Variants in DNMT3B observed in about 807,000 individuals in gnomAD.
The protein encoded by DNMT3B is DNA (cytosine-5)-methyltransferase 3B.
In DNMT3B, 37 loss-of-function variants were observed where a neutral mutation model predicts 120.2. The observed-to-expected ratio is 0.31, with a 90% CI of 0.24 to 0.40. The LOEUF is 0.40. Among genes scored for constraint, DNMT3B ranks in the 10% least tolerant of loss-of-function variants. The pLI is 1.00. For synonymous variants in DNMT3B, 412 were observed against 442.8 expected, an observed-to-expected ratio of 0.93 and a Z score of 0.87; for missense variants, 878 against 1,137.3, an observed-to-expected ratio of 0.77 and a Z score of 3.28.
rs773620147 is a variant in DNMT3B at position 32,793,520 on chromosome 20, G to T, written c.1067-16G>T. On this transcript the variant is annotated splice_polypyrimidine_tract_variant and intron_variant, in intron 9 of 22. Coordinates refer to ENST00000328111, the MANE Select transcript of DNMT3B (RefSeq NM_006892.4). ...TGTAATGTTTTTTCTGTTTTGTTTT[G>T]TTTTCCCCTCAAAAGTGGTTAATAA... The T allele has an allele frequency of 6.2e-7, 1 of 1,613,780 alleles. No homozygotes were observed. The highest frequency in any genetic ancestry group is 8.5e-7 in the Non-Finnish European group (1 of 1,179,872).
rs781234719 is a variant in DNMT3B, at chr20:32,787,318, CAG to C, written c.524_525del (p.Glu175GlyfsTer113). On this transcript the variant is annotated frameshift_variant, in exon 6 of 23. Coordinates refer to ENST00000328111, the MANE Select transcript of DNMT3B (RefSeq NM_006892.4). LOFTEE classifies it high-confidence loss of function. ...CTTACCATCGACCTCACAGACGACA[CAG>C]AGGACACACATGGGACGCCCCAGAG... is the stretch of plus-strand genomic sequence containing the variant. 1 of 1,614,228 alleles carries C rather than the reference CAG, an allele frequency of 6.2e-7. No homozygotes were observed. Among genetic ancestry groups the C allele is most frequent in the Non-Finnish European group, 8.5e-7 (1 of 1,180,042 alleles).
chr20:32,804,212 G>T (rs1038937272), intron 20 of DNMT3B, among the ~76,000 whole-genome samples: 10 of 152,192 alleles, frequency 6.6e-5, no homozygotes, highest in African/African-American at 2.2e-4. Context: ...AAGCTCTGCA[G>T]GCTTATAGGA....
At chr20:32,789,681 C>T (rs756960696) in intron 7 of DNMT3B, among the ~76,000 whole-genome samples, 12 of 152,230 alleles carry the variant, frequency 7.9e-5, no homozygotes, top group Non-Finnish European at 1.0e-4. Flanking sequence ...GCAACCTCCG[C>T]CTCCCAGGTT....
chr20:32,796,192 C>T (rs1980597088), intron 12 of DNMT3B, among the ~76,000 whole-genome samples: 1 of 152,090 alleles, frequency 6.6e-6, no homozygotes. Flanking sequence ...ACACCACATC[C>T]CTGACCCAGA....
chr20:32,794,879 T>G (rs1393681365), intron 10 of DNMT3B, among the ~76,000 whole-genome samples: 1 of 152,242 alleles, frequency 6.6e-6, no homozygotes, highest in Non-Finnish European at 1.5e-5. Context: ...TATATACAGA[T>G]TCTTGACTAA....
At chr20:32,789,927 G>GTAAC (rs1979761958) in intron 7 of DNMT3B, among the ~76,000 whole-genome samples, 1 of 152,204 alleles carries the variant, frequency 6.6e-6, no homozygotes, top group Non-Finnish European at 1.5e-5. Flanking sequence ...CCTATCCTGT[G>GTAAC]ATGGTCTCTT....
chr20:32,806,005 T>A (rs1281201927), intron 21 of DNMT3B, among the ~76,000 whole-genome samples: 1 of 152,174 alleles, frequency 6.6e-6, no homozygotes, highest in African/African-American at 2.4e-5. Context: ...TCTCTCCAAC[T>A]CTGCTTTTCG....
At chr20:32,787,098 C>T in intron 5 of DNMT3B, 132 bp from the exon 6 acceptor site, 1 of 1,097,802 alleles carries the variant, frequency 9.1e-7, no homozygotes. Context: ...AAAGTTTCTT[C>T]AGCGGTCTCT....
intron 3 of DNMT3B, 138 bp from the exon 4 acceptor site, chr20:32,784,620 T>C (rs2145930531): frequency 2.3e-6 from 2 of 877,678 alleles, no homozygotes; most frequent in East Asian, 2.6e-5. Context: ...TCTGCACCCA[T>C]ATGCAGTGTG....
chr20:32,766,312 C>G (rs184556477), intron 1 of DNMT3B, among the ~76,000 whole-genome samples: 1 of 151,958 alleles, frequency 6.6e-6, no homozygotes, highest in South Asian at 2.1e-4. Flanking sequence ...CACTGTTCTC[C>G]AGCCTGGGCG....
At chr20:32,777,364 C>A (rs1988117228) in intron 1 of DNMT3B, among the ~76,000 whole-genome samples, 2 of 152,156 alleles carry the variant, frequency 1.3e-5, no homozygotes, top group Admixed American at 6.5e-5. Context: ...TAATCATTGT[C>A]AGCCTGGGTC....
chr20:32,807,574 G>T (rs1369478797), intron 22 of DNMT3B, among the ~76,000 whole-genome samples, 188 bp from the exon 23 acceptor site: 1 of 152,136 alleles, frequency 6.6e-6, no homozygotes. Context: ...ACAAAACGGG[G>T]GACTTTCATT....
intron 1 of DNMT3B, among the ~76,000 whole-genome samples, chr20:32,775,014 G>T (rs761676318): frequency 4.0e-5 from 6 of 151,736 alleles, no homozygotes; most frequent in African/African-American, 1.5e-4. Context: ...GAGCCACCGC[G>T]CCTGGCCTAA....
chr20:32,808,833 G>A lies in DNMT3B; in HGVS notation c.*930G>A, dbSNP rs764293630. On this transcript the variant is annotated 3_prime_UTR_variant, in exon 23 of 23. Transcript: ENST00000328111. The stretch of plus-strand genomic sequence containing the variant: ...AGGAGACCTACCCTCCACAGGCACA[G>A]GTCCCCAGATGAGAAGTCTGCTACC... The A allele has an allele frequency of 1.4e-4, 31 of 227,570 alleles. No homozygotes were observed. Among genetic ancestry groups the A allele is most frequent in the Non-Finnish European group, 2.4e-4 (27 of 114,574 alleles). 14.1% of individuals were successfully genotyped at this position (227,570 alleles called of 1,614,324 possible).
At chr20:32,765,758 C>A (rs6058873) in intron 1 of DNMT3B, among the ~76,000 whole-genome samples, 1 of 67,138 alleles carries the variant, frequency 1.5e-5, no homozygotes, top group Non-Finnish European at 2.4e-5. Context: ...TTCTTTTTTT[C>A]TTTTTTTTTT....
At chr20:32,773,762 G>A (rs1024271946) in intron 1 of DNMT3B, among the ~76,000 whole-genome samples, 3 of 151,660 alleles carry the variant, frequency 2.0e-5, no homozygotes, top group African/African-American at 7.3e-5. Context: ...CAGGCGAGTA[G>A]CTAGGACTAC....
chr20:32,797,446 A>G (rs1233031214), intron 14 of DNMT3B, 147 bp downstream of exon 14: 9 of 739,814 alleles, frequency 1.2e-5, no homozygotes. Context: ...CAGGGTTTAT[A>G]TTTTGTGGTG....
chr20:32,781,157 A>G (rs1442921816), intron 2 of DNMT3B, among the ~76,000 whole-genome samples, 196 bp from the exon 3 acceptor site: 1 of 152,192 alleles, frequency 6.6e-6, no homozygotes, highest in Non-Finnish European at 1.5e-5. Context: ...TGCCTGGCCC[A>G]GGGCTCTGTT....
intron 15 of DNMT3B, 115 bp downstream of exon 15, chr20:32,798,758 G>T (rs1011850106): frequency 6.9e-7 from 1 of 1,449,984 alleles, no homozygotes; most frequent in Non-Finnish European, 9.4e-7. Flanking sequence ...ACCTCTTGGA[G>T]CCTCAATGGC....
Sources: gnomAD v4.1 joint callset for allele counts (sites outside exome capture counted in the v4.1 genomes callset) on GRCh38, gnomAD v4.1.1 for gene constraint, MANE v1.5 for transcripts, NCBI Gene and HGNC (gene_info 2026-07-23, HGNC 2026-07-21) for gene names.